Variants in WFDC9 observed in about 807,000 individuals in gnomAD.
WFDC9 encodes protein WFDC9.
Under a neutral mutation model 9.5 loss-of-function variants are expected in WFDC9, and 9 were observed. The ratio of observed to expected loss-of-function variants is 0.95; its 90% CI spans 0.57 to 1.65. The LOEUF is 1.65. Among genes scored for constraint, WFDC9 ranks in the 40% most tolerant of loss-of-function variants. The pLI is 0.00. For missense variants in WFDC9, 87 were observed against 106.7 expected, an observed-to-expected ratio of 0.82 and a Z score of 0.81; for synonymous variants, 33 against 32.3, an observed-to-expected ratio of 1.02 and a Z score of -0.07.
chr20:45,627,579 C>T (rs1211272050), intron 1 of WFDC9, among the ~76,000 whole-genome samples: 1 of 152,006 alleles, frequency 6.6e-6, no homozygotes, highest in Non-Finnish European at 1.5e-5. Flanking sequence ...TTATCCATTT[C>T]CTCTAGGTTT....
At chr20:45,620,729 T>C (rs939520912) in intron 1 of WFDC9, among the ~76,000 whole-genome samples, 1 of 152,242 alleles carries the variant, frequency 6.6e-6, no homozygotes, top group Non-Finnish European at 1.5e-5. Context: ...TTTACCAGTA[T>C]AAAATATTCT....
At chr20:45,625,121 A>T (rs1982187837) in intron 1 of WFDC9, among the ~76,000 whole-genome samples, 1 of 152,108 alleles carries the variant, frequency 6.6e-6, no homozygotes, top group Non-Finnish European at 1.5e-5. Context: ...GCCTCAGGAG[A>T]CTTTAAATCA....
chr20:45,620,826 A>G (rs1982082711), intron 1 of WFDC9, among the ~76,000 whole-genome samples: 1 of 152,060 alleles, frequency 6.6e-6, no homozygotes, highest in Non-Finnish European at 1.5e-5. Context: ...TTTAATTCAT[A>G]TTTGGTGGGG....
At chr20:45,609,237 C>T (rs1487395373) in intron 3 of WFDC9, among the ~76,000 whole-genome samples, 2 of 151,122 alleles carry the variant, frequency 1.3e-5, no homozygotes, top group Non-Finnish European at 2.9e-5. Context: ...AGAGTCTTGC[C>T]CTGTCGCCCA....
chr20:45,612,270 ATGCCTCTGTGTGTG>A (rs1477731020), intron 2 of WFDC9, among the ~76,000 whole-genome samples: 5 of 151,672 alleles, frequency 3.3e-5, no homozygotes, highest in African/African-American at 1.2e-4. Context: ...TTTAGATTCT[ATGCCTCTGTGTGTG>A]GAGGGAGACA....
intron 1 of WFDC9, among the ~76,000 whole-genome samples, chr20:45,616,260 A>C (rs1981973954): frequency 1.3e-5 from 2 of 152,194 alleles, no homozygotes; most frequent in African/African-American, 4.8e-5. Flanking sequence ...CAGCATCTTC[A>C]CCAGGAGCAG....
intron 1 of WFDC9, among the ~76,000 whole-genome samples, chr20:45,618,418 T>C (rs1459544676): frequency 6.6e-6 from 1 of 152,248 alleles, no homozygotes; most frequent in Admixed American, 6.5e-5. Context: ...AACTTGGCTG[T>C]TTGGTACAAG....
intron 1 of WFDC9, among the ~76,000 whole-genome samples, chr20:45,623,152 A>G (rs6073821): frequency 0.17 from 26,564 of 152,122 alleles, 2,498 homozygotes; most frequent in East Asian, 0.32. Context: ...ATGGTCATAC[A>G]GTTATTCACC....
At position 45,608,786 on chromosome 20, in the gene WFDC9, T is replaced by C. The variant is rs767633215; in HGVS notation, c.116A>G (p.Glu39Gly). ...ATATGGAGGCTGTACCCAGCACTGC[T>C]CAGTTTCTCTTATCATATCTAGAAC... ...DPFLDMIRETEQCWVQPPYKY... is the reference protein window; with the variant it reads ...DPFLDMIRETGQCWVQPPYKY... Residue 39 changes from glutamate (E) to glycine (G), a missense_variant, in exon 4 of 5, where the codon GAG (glutamate) becomes GGG (glycine). Coordinates refer to ENST00000326000, the MANE Select transcript of WFDC9 (RefSeq NM_147198.4). The C allele has an allele frequency of 3.7e-6, 6 of 1,613,060 alleles. No individual in the cohort carries two copies. In the African/African-American group the frequency reaches 4.0e-5, roughly 11 times the overall value.
chr20:45,612,860 C>G (rs1981891532), intron 2 of WFDC9, among the ~76,000 whole-genome samples: 1 of 152,086 alleles, frequency 6.6e-6, no homozygotes, highest in Admixed American at 6.5e-5. Flanking sequence ...TCCCATCTAC[C>G]CCCCTCATTC....
chr20:45,610,844 A>G (rs934484014), intron 2 of WFDC9, among the ~76,000 whole-genome samples: 2 of 152,212 alleles, frequency 1.3e-5, no homozygotes, highest in Non-Finnish European at 2.9e-5. Context: ...TTTATTGGTA[A>G]AAAGCTTTGC....
intron 3 of WFDC9, among the ~76,000 whole-genome samples, chr20:45,609,207 CT>C (rs61409671): frequency 0.021 from 3,009 of 143,186 alleles, 60 homozygotes; most frequent in African/African-American, 0.056. Flanking sequence ...TTCCCCTTCT[CT>C]TTTTTTTTTT....
intron 1 of WFDC9, among the ~76,000 whole-genome samples, chr20:45,615,020 G>A (rs1337482564): frequency 6.6e-6 from 1 of 152,080 alleles, no homozygotes; most frequent in Admixed American, 6.6e-5. Context: ...GTAGGAAGTT[G>A]GGAACAGTCT....
At chr20:45,612,268 CT>C (rs1264341837) in intron 2 of WFDC9, among the ~76,000 whole-genome samples, 5 of 151,240 alleles carry the variant, frequency 3.3e-5, no homozygotes, top group African/African-American at 1.2e-4. Flanking sequence ...TGTTTAGATT[CT>C]ATGCCTCTGT....
At chr20:45,628,449 T>C (rs1431927217) in intron 1 of WFDC9, among the ~76,000 whole-genome samples, 1 of 152,230 alleles carries the variant, frequency 6.6e-6, no homozygotes, top group Admixed American at 6.5e-5. Flanking sequence ...GGCTGCAAGA[T>C]GCTTGGGTAA....
Position 45,628,239 on chromosome 20 carries a change from G to T in WFDC9, c.-153+2964C>A, listed in dbSNP as rs573692895. Among the ~76,000 whole-genome samples the T allele has an allele frequency of 2.9e-4, 44 of 152,162 alleles. No individual in the cohort carries two copies. The South Asian group carries it at 7.5e-3, about 26-fold the overall frequency. ...CAAAATGAGTATTCTAAAACAATGGGTATCCTTTTTTCATGTGATAAAAGA... is the reference window on the plus strand; with the variant it reads ...CAAAATGAGTATTCTAAAACAATGGTTATCCTTTTTTCATGTGATAAAAGA... On this transcript the variant is annotated intron_variant, in intron 1 of 4. Coordinates refer to ENST00000326000, the MANE Select transcript of WFDC9 (RefSeq NM_147198.4).
At chr20:45,614,444 A>C (rs966563998) in intron 2 of WFDC9, among the ~76,000 whole-genome samples, 184 bp downstream of exon 2, 5 of 152,206 alleles carry the variant, frequency 3.3e-5, no homozygotes, top group African/African-American at 4.8e-5. Flanking sequence ...TGAAATCTTT[A>C]GTTTCTGTCC....
At chr20:45,627,386 A>G (rs1200922054) in intron 1 of WFDC9, among the ~76,000 whole-genome samples, 1 of 152,204 alleles carries the variant, frequency 6.6e-6, no homozygotes, top group Admixed American at 6.5e-5. Context: ...ATAGTTTGAG[A>G]AGAATTGGTA....
At chr20:45,610,349 C>G (rs752515637) in intron 2 of WFDC9, 110 bp from the exon 3 acceptor site, 1 of 521,540 alleles carries the variant, frequency 1.9e-6, no homozygotes, top group African/African-American at 1.9e-5. Flanking sequence ...GCATACCAAC[C>G]AACTCCCAGG....
Sources: gnomAD v4.1 joint callset for allele counts (sites outside exome capture counted in the v4.1 genomes callset) on GRCh38, gnomAD v4.1.1 for gene constraint, MANE v1.5 for transcripts, NCBI Gene and HGNC (gene_info 2026-07-23, HGNC 2026-07-21) for gene names.